SPATA16: variants seen among roughly 807,000 people sequenced by gnomAD.
SPATA16 encodes spermatogenesis associated 16.
A neutral mutation model predicts 63.3 loss-of-function variants in SPATA16; 36 were observed. The ratio of observed to expected loss-of-function variants is 0.57; its 90% confidence interval spans 0.44 to 0.75. The LOEUF (loss-of-function observed/expected upper bound fraction) is 0.75. Among genes scored for constraint, SPATA16 ranks in the 30% least tolerant of loss-of-function variants. The pLI, the probability that SPATA16 is intolerant of heterozygous loss-of-function variation, is 0.00. For missense variants in SPATA16, 646 were observed against 679.3 expected, an observed-to-expected ratio of 0.95 and a Z score of 0.54; for synonymous variants, 203 against 216.7, an observed-to-expected ratio of 0.94 and a Z score of 0.56.
At chr3:173,107,330 A>G (rs1737643196) in intron 2 of SPATA16, among the ~76,000 whole-genome samples, 1 of 152,154 alleles carries the variant, frequency 6.6e-6, no homozygotes, top group South Asian at 2.1e-4. Context: ...ATATTTATTT[A>G]TAGATATGTA....
intron 3 of SPATA16, among the ~76,000 whole-genome samples, chr3:173,028,078 T>TTC (rs1560101151): frequency 2.6e-4 from 19 of 71,768 alleles, no homozygotes; most frequent in East Asian, 2.4e-3. Flanking sequence ...TTCCTTCCTT[T>TTC]CTCTCTCTCT....
chr3:173,109,420 C>A (rs887490359), intron 2 of SPATA16, among the ~76,000 whole-genome samples: 4 of 152,116 alleles, frequency 2.6e-5, no homozygotes, highest in Non-Finnish European at 4.4e-5. Flanking sequence ...GGATAAAAAG[C>A]CTCAATAGTA....
intron 10 of SPATA16, among the ~76,000 whole-genome samples, chr3:172,906,811 G>C (rs907997240): frequency 1.3e-5 from 2 of 151,940 alleles, no homozygotes; most frequent in African/African-American, 4.8e-5. Flanking sequence ...GCGCAATCTT[G>C]GCTCACTGCA....
At chr3:173,116,308 A>T (rs1328006698) in intron 2 of SPATA16, among the ~76,000 whole-genome samples, 1 of 152,234 alleles carries the variant, frequency 6.6e-6, no homozygotes, top group Non-Finnish European at 1.5e-5. Context: ...CAGCAGGCAT[A>T]TATAGTATGC....
In SPATA16 at chr3:172,946,850, G is replaced by C. The variant is rs758531715; in HGVS notation, c.1081+9827C>G. ...AGCCCTTGGGCCTTGAGTGAATATA[G>C]GTGGTAGCCAGGTAGTGACTGGGTG... On this transcript the variant is annotated intron_variant, in intron 6 of 10. Coordinates refer to ENST00000351008, the MANE Select transcript of SPATA16 (RefSeq NM_031955.6). Among the ~76,000 whole-genome samples, 6 of 152,332 alleles carry C rather than the reference G, an allele frequency of 3.9e-5. No individual in the cohort carries two copies. In the East Asian group the frequency reaches 1.2e-3, roughly 29 times the overall value.
intron 10 of SPATA16, among the ~76,000 whole-genome samples, chr3:172,902,391 A>C (rs1338132896): frequency 2.0e-5 from 3 of 152,128 alleles, no homozygotes; most frequent in Non-Finnish European, 4.4e-5. Flanking sequence ...GGGAAAGCAA[A>C]TCTACTCTAT....
rs141374635 is a variant in SPATA16 at position 172,952,328 on chromosome 3, A to C, written c.1081+4349T>G. Among the ~76,000 whole-genome samples, 1,250 of 152,334 alleles carry C rather than the reference A, an allele frequency of 8.2e-3. 11 individuals are homozygous for C. Among genetic ancestry groups the C allele is most frequent in the Non-Finnish European group, 0.014 (928 of 68,032 alleles). The stretch of plus-strand genomic sequence containing the variant: ...ATGTTAAAGTTACCAGATTTAACAA[A>C]GAAGCTCCAAATCTCAGTGGTCTAA... On this transcript the variant is annotated intron_variant, in intron 6 of 10. Transcript: ENST00000351008.
chr3:172,983,883 C>A (rs1430330650), intron 4 of SPATA16, among the ~76,000 whole-genome samples: 2 of 152,082 alleles, frequency 1.3e-5, no homozygotes, highest in African/African-American at 2.4e-5. Context: ...CTATGGTAGC[C>A]TACAATTCTT....
Position 172,943,504 on chromosome 3 carries a change from C to T in SPATA16, c.1081+13173G>A, listed in dbSNP as rs145006249. Among the ~76,000 whole-genome samples, 150 of 152,276 alleles carry T rather than the reference C, an allele frequency of 9.9e-4. 1 individual carries two copies. The highest frequency in any genetic ancestry group is 3.5e-3 in the African/African-American group (146 of 41,538). ...TGATACCAAACCACAAGCTGTTAGGCTGTGGTGGGCAAATCACTTGAGGTC... is the reference window on the plus strand; with the variant it reads ...TGATACCAAACCACAAGCTGTTAGGTTGTGGTGGGCAAATCACTTGAGGTC... On this transcript the variant is annotated intron_variant, in intron 6 of 10. Coordinates refer to ENST00000351008, the MANE Select transcript of SPATA16 (RefSeq NM_031955.6).
intron 10 of SPATA16, among the ~76,000 whole-genome samples, chr3:172,910,774 T>C (rs1732355698): frequency 6.6e-6 from 1 of 152,190 alleles, no homozygotes; most frequent in Admixed American, 6.5e-5. Flanking sequence ...CCTTACTCTA[T>C]TATACTCTTT....
chr3:173,132,438 G>A (rs988674630), intron 1 of SPATA16, among the ~76,000 whole-genome samples: 1 of 152,098 alleles, frequency 6.6e-6, no homozygotes, highest in African/African-American at 2.4e-5. Context: ...AATAGTAAAA[G>A]TAAATATGTA....
At chr3:173,015,521 C>A (rs1735162130) in intron 4 of SPATA16, among the ~76,000 whole-genome samples, 1 of 152,188 alleles carries the variant, frequency 6.6e-6, no homozygotes, top group African/African-American at 2.4e-5. Context: ...TAGAAGTCAT[C>A]ATGCTATCCC....
intron 10 of SPATA16, among the ~76,000 whole-genome samples, chr3:172,901,403 A>G (rs1732124110): frequency 6.6e-6 from 1 of 151,788 alleles, no homozygotes; most frequent in Non-Finnish European, 1.5e-5. Context: ...TTTTGCCATG[A>G]TGGCCAGGCT....
Position 172,915,149 on chromosome 3 carries a change from G to T in SPATA16, c.1503+1168C>A, listed in dbSNP as rs189188800. On this transcript the variant is annotated intron_variant, in intron 9 of 10. Coordinates refer to ENST00000351008, the MANE Select transcript of SPATA16 (RefSeq NM_031955.6). ...GGATAAACATTTAACCTTTTAGAAG[G>T]TGTTCTTTTGCACACAACCATAAAG... Among the ~76,000 whole-genome samples, 21 of 152,208 alleles carry T rather than the reference G, an allele frequency of 1.4e-4. No homozygotes were observed. The East Asian group carries it at 3.9e-3, about 28-fold the overall frequency.
In SPATA16 at chr3:173,087,958, T is replaced by C. The variant is rs189304826; in HGVS notation, c.612+29162A>G. ...TTTCTTTCTGGTTGCCCTTAATATTTTTTTCTCCAATTTGACCTTGGAGAA... is the reference window on the plus strand; with the variant it reads ...TTTCTTTCTGGTTGCCCTTAATATTCTTTTCTCCAATTTGACCTTGGAGAA... On this transcript the variant is annotated intron_variant, in intron 2 of 10. Coordinates refer to ENST00000351008, the MANE Select transcript of SPATA16 (RefSeq NM_031955.6). Among the ~76,000 whole-genome samples, 3 of 152,220 alleles carry C rather than the reference T, an allele frequency of 2.0e-5. No individual in the cohort carries two copies. The East Asian group carries it at 5.8e-4, about 29-fold the overall frequency.
At chr3:172,918,932 C>T (rs1309545778) in intron 8 of SPATA16, among the ~76,000 whole-genome samples, 5 of 152,034 alleles carry the variant, frequency 3.3e-5, no homozygotes, top group Non-Finnish European at 7.4e-5. Flanking sequence ...TGCTGAAAAG[C>T]GGAGTCCAAG....
chr3:173,066,815 G>A (rs1329777684), intron 2 of SPATA16, among the ~76,000 whole-genome samples: 2 of 152,046 alleles, frequency 1.3e-5, no homozygotes, highest in Non-Finnish European at 2.9e-5. Context: ...TCATCAAATG[G>A]TCTAAATAAG....
chr3:173,044,314 A>G (rs1735909543), intron 3 of SPATA16, among the ~76,000 whole-genome samples: 1 of 152,120 alleles, frequency 6.6e-6, no homozygotes, highest in South Asian at 2.1e-4. Flanking sequence ...TTTATAGTGG[A>G]TAATTTCTAT....
intron 1 of SPATA16, among the ~76,000 whole-genome samples, chr3:173,131,338 A>G (rs1738379695): frequency 6.6e-6 from 1 of 152,200 alleles, no homozygotes; most frequent in Non-Finnish European, 1.5e-5. Flanking sequence ...AGAATAAAAG[A>G]CCAAATCATT....
Sources: gnomAD v4.1 joint callset for allele counts (sites outside exome capture counted in the v4.1 genomes callset) on GRCh38, gnomAD v4.1.1 for gene constraint, MANE v1.5 for transcripts, NCBI Gene and HGNC (gene_info 2026-07-23, HGNC 2026-07-21) for gene names.